The following DIP2A variants were observed in gnomAD, a reference collection of about 807,000 sequenced individuals.
DIP2A encodes DIP2 acetate--CoA ligase A.
In DIP2A, 85 loss-of-function variants were observed where a neutral mutation model predicts 177.4. That is an observed-to-expected ratio of 0.48 (90% confidence interval 0.40 to 0.57). DIP2A has a LOEUF of 0.57. DIP2A is among the 20% of genes least tolerant of loss of function. The probability of loss-of-function intolerance (pLI) is 0.00; values close to 1 mark genes in which losing one functional copy is unlikely to be tolerated. For missense variants in DIP2A, 1,791 were observed against 2,100.2 expected (o/e 0.85, Z 2.88); for synonymous variants, 886 against 881.8 (o/e 1.00, Z -0.08).
intron 18 of DIP2A, 57 bp from the exon 19 acceptor site, chr21:46,545,080 G>T: frequency 2.0e-6 from 3 of 1,505,400 alleles, no homozygotes; most frequent in Non-Finnish European, 2.7e-6. Context: ...GGAGATCTTT[G>T]TGAGTGATCC....
the DIP2A span, among the ~76,000 whole-genome samples, chr21:46,580,116 T>C: frequency 6.6e-6 from 1 of 152,216 alleles, no homozygotes; most frequent in Non-Finnish European, 1.5e-5. Context: ...AAACTTGTTT[T>C]ATAAATCTGG....
At chr21:46,479,122 G>A (rs1032425975) in intron 1 of DIP2A, among the ~76,000 whole-genome samples, 2 of 152,184 alleles carry the variant, frequency 1.3e-5, no homozygotes, top group African/African-American at 4.8e-5. Context: ...AACAACCTGG[G>A]ATGCTTTCCA....
chr21:46,578,012 C>G, the DIP2A span, among the ~76,000 whole-genome samples: 2 of 152,158 alleles, frequency 1.3e-5, no homozygotes, highest in African/African-American at 2.4e-5. Flanking sequence ...AGTTGCTTAT[C>G]AGTTTAAGAA....
At chr21:46,507,093 T>C (rs780909275) in intron 6 of DIP2A, among the ~76,000 whole-genome samples, 45 of 152,198 alleles carry the variant, frequency 3.0e-4, no homozygotes, top group Admixed American at 1.2e-3. Context: ...TGTTTTCTTA[T>C]TGAGTTTTGA....
intron 11 of DIP2A, 90 bp downstream of exon 11, chr21:46,533,737 G>T (rs1025906771): frequency 1.3e-6 from 2 of 1,556,574 alleles, no homozygotes; most frequent in Non-Finnish European, 1.7e-6. Flanking sequence ...TGACAGAGGT[G>T]TCTGGGTCTT....
intron 6 of DIP2A, 114 bp from the exon 7 acceptor site, chr21:46,509,143 T>A: frequency 8.3e-7 from 1 of 1,203,760 alleles, no homozygotes; most frequent in Non-Finnish European, 1.1e-6. Flanking sequence ...GGCCCACACT[T>A]GGATGGATTT....
At chr21:46,578,673 T>G in the DIP2A span, among the ~76,000 whole-genome samples, 2 of 152,230 alleles carry the variant, frequency 1.3e-5, no homozygotes, top group Non-Finnish European at 2.9e-5. Flanking sequence ...GAAGGGATGT[T>G]GAATTTTATT....
chr21:46,480,419 T>G (rs1301893617), intron 1 of DIP2A, among the ~76,000 whole-genome samples: 1 of 152,156 alleles, frequency 6.6e-6, no homozygotes, highest in Non-Finnish European at 1.5e-5. Context: ...TGGGGATTAT[T>G]ACAATTCAAA....
In DIP2A at chr21:46,566,605, T is replaced by C; in HGVS notation, c.4385T>C (p.Leu1462Pro). 6.2e-7 allele frequency: 1 copy of C among 1,614,168 alleles called. No individual in the cohort carries two copies. The highest frequency in any genetic ancestry group is 8.5e-7 in the Non-Finnish European group (1 of 1,180,016). ...GTGGTTGGGTCTCTGGATGAAACTC[T>C]GGAGCTCAGAGGCATGCGGTACCAC... Reference protein sequence around the residue: ...LYVVGSLDETLELRGMRYHPI... With the variant: ...LYVVGSLDETPELRGMRYHPI... The change falls in exon 37 of 38, where the codon CTG (leucine) becomes CCG (proline). Residue 1462 changes from leucine to proline, a missense_variant. By Grantham distance (98) the Leu-to-Pro change is moderately conservative. Coordinates refer to ENST00000417564, the MANE Select transcript of DIP2A (RefSeq NM_015151.4).
chr21:46,553,077 C>T (rs188510086), intron 25 of DIP2A: 26 of 152,288 alleles, frequency 1.7e-4, no homozygotes, highest in African/African-American at 6.3e-4. Flanking sequence ...GGCTGGGGGT[C>T]GCTGGGTTTT....
intron 1 of DIP2A, among the ~76,000 whole-genome samples, chr21:46,466,801 A>G: frequency 5.1e-5 from 1 of 19,492 alleles, no homozygotes; most frequent in East Asian, 4.3e-3. Context: ...ACTTCAACCA[A>G]AAAAACCACA....
intron 1 of DIP2A, among the ~76,000 whole-genome samples, chr21:46,459,524 CGCCCCTCACCCCCGGGACCTCCT>C (rs2148186714): frequency 8.0e-6 from 1 of 124,950 alleles, no homozygotes; most frequent in South Asian, 2.9e-4. Context: ...CGGGAACTCC[CGCCCCTCACCCCCGGGACCTCCT>C]GCCCCTCACC....
In DIP2A at chr21:46,538,559, C is replaced by A; in HGVS notation, c.1878C>A (p.Leu626=). The part of the protein sequence containing the change: ...LAQRGQRDVS[L]SSLRMLIVAD... ...AGCGGGGCCAGAGGGACGTCAGCCTCAGCTCACTGCGCATGCTGATTGTGG... is the reference window on the plus strand; with the variant it reads ...AGCGGGGCCAGAGGGACGTCAGCCTAAGCTCACTGCGCATGCTGATTGTGG... The change falls in exon 16 of 38, where the codon CTC becomes CTA. Residue 626 remains leucine (L), a synonymous_variant. Coordinates refer to ENST00000417564, the MANE Select transcript of DIP2A (RefSeq NM_015151.4). 1 of 1,564,380 alleles carries A rather than the reference C, an allele frequency of 6.4e-7. No homozygotes were observed. The highest frequency in any genetic ancestry group is 2.4e-5 in the East Asian group (1 of 41,934).
intron 1 of DIP2A, among the ~76,000 whole-genome samples, chr21:46,473,187 A>G (rs1324917791): frequency 6.6e-6 from 1 of 152,178 alleles, no homozygotes; most frequent in Non-Finnish European, 1.5e-5. Flanking sequence ...ATGTGTACAC[A>G]TTCAAGAACT....
At chr21:46,548,600 C>G (rs541513702) in intron 21 of DIP2A, among the ~76,000 whole-genome samples, 1 of 152,246 alleles carries the variant, frequency 6.6e-6, no homozygotes, top group South Asian at 2.1e-4. Flanking sequence ...ATGGATACAG[C>G]TAGAGAACAA....
chr21:46,502,988 T>C (rs1177907665), intron 5 of DIP2A, among the ~76,000 whole-genome samples: 3 of 152,052 alleles, frequency 2.0e-5, no homozygotes, highest in African/African-American at 7.2e-5. Flanking sequence ...ATGTTCCAGA[T>C]CTAATGTCTG....
intron 8 of DIP2A, among the ~76,000 whole-genome samples, chr21:46,517,054 CTTTTTTTTTTT>C (rs71318086): frequency 1.1e-3 from 67 of 60,886 alleles, no homozygotes; most frequent in African/African-American, 4.6e-3. Context: ...TTTTCTCTCT[CTTTTTTTTTTT>C]TTTTTTTTTT....
At chr21:46,504,931 A>G (rs1264146745) in intron 6 of DIP2A, among the ~76,000 whole-genome samples, 6 of 152,244 alleles carry the variant, frequency 3.9e-5, no homozygotes, top group Non-Finnish European at 8.8e-5. Context: ...TGCAACAGCA[A>G]TCATGGTTTC....
chr21:46,579,528 C>T, the DIP2A span, among the ~76,000 whole-genome samples: 1 of 151,912 alleles, frequency 6.6e-6, no homozygotes, highest in African/African-American at 2.4e-5. Context: ...TTCTCTAGTT[C>T]TTTTAGTTGT....
Sources: gnomAD v4.1 joint callset for allele counts (sites outside exome capture counted in the v4.1 genomes callset) on GRCh38, gnomAD v4.1.1 for gene constraint, MANE v1.5 for transcripts, NCBI Gene and HGNC (gene_info 2026-07-23, HGNC 2026-07-21) for gene names.